CACNA2D1: variants seen among roughly 807,000 people sequenced by gnomAD.
CACNA2D1 encodes voltage-dependent calcium channel subunit alpha-2/delta-1.
A neutral mutation model predicts 171.5 loss-of-function variants in CACNA2D1; 53 were observed. The ratio of observed to expected loss-of-function variants is 0.31; its 90% CI spans 0.25 to 0.39. The LOEUF is 0.39. Ranked by LOEUF, CACNA2D1 falls within the 10% of genes least tolerant of loss-of-function variation. The pLI is 1.00. For synonymous variants in CACNA2D1, 442 were observed against 443.1 expected, an observed-to-expected ratio of 1.00 and a Z score of 0.03; for missense variants, 903 against 1,299.8, an observed-to-expected ratio of 0.69 and a Z score of 4.69.
chr7:82,123,530 C>T (rs1300662695), intron 5 of CACNA2D1, among the ~76,000 whole-genome samples: 1 of 152,138 alleles, frequency 6.6e-6, no homozygotes, highest in Non-Finnish European at 1.5e-5. Context: ...AAAACTGTCT[C>T]CAAAATTTTA....
chr7:82,020,304 A>G (rs780768859), intron 12 of CACNA2D1, among the ~76,000 whole-genome samples: 8 of 152,160 alleles, frequency 5.3e-5, no homozygotes, highest in Non-Finnish European at 1.0e-4. Flanking sequence ...CGCATTCTGC[A>G]TGAGGTTACG....
chr7:82,372,796 T>C (rs1822556312), intron 1 of CACNA2D1, among the ~76,000 whole-genome samples: 1 of 152,168 alleles, frequency 6.6e-6, no homozygotes, highest in South Asian at 2.1e-4. Context: ...TGATTAAGTA[T>C]TACTATGTGT....
chr7:82,137,276 C>G (rs1380182135), intron 4 of CACNA2D1, among the ~76,000 whole-genome samples: 1 of 152,054 alleles, frequency 6.6e-6, no homozygotes, highest in Non-Finnish European at 1.5e-5. Context: ...ATATGGATGA[C>G]TCTGCTAGCC....
chr7:81,996,177 A>G (rs1798022947), intron 19 of CACNA2D1, among the ~76,000 whole-genome samples: 1 of 152,144 alleles, frequency 6.6e-6, no homozygotes, highest in Non-Finnish European at 1.5e-5. Flanking sequence ...TTACTGATTG[A>G]TTTAGAAGAA....
chr7:82,018,918 G>A (rs1316677682), intron 12 of CACNA2D1, among the ~76,000 whole-genome samples: 2 of 146,476 alleles, frequency 1.4e-5, no homozygotes, highest in Non-Finnish European at 3.0e-5. Context: ...CCAGGAGGTG[G>A]AGGTTGCAGT....
At chr7:82,258,673 T>C (rs1369541137) in intron 3 of CACNA2D1, among the ~76,000 whole-genome samples, 4 of 152,198 alleles carry the variant, frequency 2.6e-5, no homozygotes, top group Admixed American at 1.3e-4. Context: ...ATCATGCCTC[T>C]GTCTTCAAAA....
chr7:81,979,309 A>C (rs879799449), intron 24 of CACNA2D1, among the ~76,000 whole-genome samples: 2 of 152,210 alleles, frequency 1.3e-5, no homozygotes, highest in Non-Finnish European at 2.9e-5. Flanking sequence ...ATTGTAAAAA[A>C]AAATATGAAA....
At chr7:82,177,204 T>C (rs1051291996) in intron 3 of CACNA2D1, among the ~76,000 whole-genome samples, 1 of 151,896 alleles carries the variant, frequency 6.6e-6, no homozygotes, top group South Asian at 2.1e-4. Flanking sequence ...ATTTGCTTTA[T>C]AACTTTATGT....
chr7:81,982,182 T>G (rs1796508338), intron 24 of CACNA2D1, among the ~76,000 whole-genome samples: 1 of 151,692 alleles, frequency 6.6e-6, no homozygotes, highest in African/African-American at 2.4e-5. Context: ...GAGGCAAGAG[T>G]GCAGTGGCAT....
chr7:82,277,382 A>G (rs2129364010), intron 3 of CACNA2D1, among the ~76,000 whole-genome samples: 1 of 152,190 alleles, frequency 6.6e-6, no homozygotes, highest in South Asian at 2.1e-4. Context: ...TTGAATTTTC[A>G]GTAGAGATGG....
rs80060165 is a variant in CACNA2D1 at position 82,131,234 on chromosome 7, G to A, written c.396+5401C>T. On this transcript the variant is annotated intron_variant, in intron 5 of 38. Transcript: ENST00000356860. Reference sequence around the variant, plus strand: ...GTATATTCTTGTAACTAATAACTGAGTCTCAGCTAATCATAGCAGCTGAGT... The same window carrying A: ...GTATATTCTTGTAACTAATAACTGAATCTCAGCTAATCATAGCAGCTGAGT... 1.9e-3 allele frequency among the ~76,000 whole-genome samples: 288 copies of A among 152,284 alleles called. 8 individuals are homozygous for A. In the East Asian group the frequency reaches 0.041, roughly 21 times the overall value.
chr7:82,320,483 C>A (rs1394651338), intron 3 of CACNA2D1, among the ~76,000 whole-genome samples: 1 of 152,132 alleles, frequency 6.6e-6, no homozygotes, highest in East Asian at 1.9e-4. Flanking sequence ...ACCATCATAG[C>A]TCACCACAGC....
At chr7:82,134,993 A>C (rs1336991121) in intron 5 of CACNA2D1, among the ~76,000 whole-genome samples, 1 of 152,146 alleles carries the variant, frequency 6.6e-6, no homozygotes, top group Non-Finnish European at 1.5e-5. Flanking sequence ...GAAAATCACC[A>C]ATTTCAATGT....
intron 1 of CACNA2D1, among the ~76,000 whole-genome samples, chr7:82,427,109 G>T (rs1435002121): frequency 6.6e-6 from 1 of 152,144 alleles, no homozygotes; most frequent in Non-Finnish European, 1.5e-5. Context: ...TGTGTCCCTA[G>T]TGGATAAGGG....
At chr7:82,033,464 TTAAAA>T (rs1223088799) in intron 11 of CACNA2D1, among the ~76,000 whole-genome samples, 3 of 152,102 alleles carry the variant, frequency 2.0e-5, no homozygotes, top group Non-Finnish European at 4.4e-5. Flanking sequence ...TAACATTAAT[TTAAAA>T]TGTGTATCTT....
chr7:82,200,203 C>A (rs1031935228), intron 3 of CACNA2D1, among the ~76,000 whole-genome samples: 18 of 152,090 alleles, frequency 1.2e-4, no homozygotes, highest in African/African-American at 3.9e-4. Context: ...ATACTCTTAG[C>A]GACTCAAGTA....
At chr7:82,196,580 G>A (rs1203441921) in intron 3 of CACNA2D1, among the ~76,000 whole-genome samples, 5 of 152,016 alleles carry the variant, frequency 3.3e-5, no homozygotes, top group Non-Finnish European at 7.4e-5. Flanking sequence ...GTTTTAGTTG[G>A]TCTGTTTGTA....
At chr7:82,432,228 G>C (rs1303563311) in intron 1 of CACNA2D1, among the ~76,000 whole-genome samples, 3 of 152,086 alleles carry the variant, frequency 2.0e-5, no homozygotes, top group Non-Finnish European at 4.4e-5. Flanking sequence ...AGAGAAAAAA[G>C]AGCAAAGTCA....
intron 3 of CACNA2D1, among the ~76,000 whole-genome samples, chr7:82,240,928 C>T (rs1170732286): frequency 1.3e-5 from 2 of 151,706 alleles, no homozygotes; most frequent in Admixed American, 6.6e-5. Context: ...GATCGTGCCA[C>T]TGCACTCCAG....
Sources: allele counts gnomAD v4.1 joint callset (sites outside exome capture counted in the v4.1 genomes callset), GRCh38; gene constraint gnomAD v4.1.1; transcripts MANE v1.5; gene names NCBI Gene and HGNC (gene_info 2026-07-23, HGNC 2026-07-21).